Variants in GCNT2 observed in about 807,000 individuals in gnomAD.
The protein encoded by GCNT2 is glucosaminyl (N-acetyl) transferase 2 (I blood group), also known as N-acetyllactosaminide beta-1,6-N-acetylglucosaminyl-transferase.
In GCNT2, 34 loss-of-function variants were observed where a neutral mutation model predicts 34.2. The ratio of observed to expected loss-of-function variants is 1.00; its 90% CI spans 0.76 to 1.32. GCNT2 has a LOEUF of 1.32. GCNT2 is among the 40% of genes most tolerant of loss of function. The pLI is 0.00. For synonymous variants in GCNT2, 212 were observed against 188.0 expected, an observed-to-expected ratio of 1.13 and a Z score of -1.04; for missense variants, 584 against 489.4, an observed-to-expected ratio of 1.19 and a Z score of -1.82.
At chr6:10,530,115 A>T in intron 3 of GCNT2, 1 of 341,174 alleles carries the variant, frequency 2.9e-6, no homozygotes, top group Non-Finnish European at 5.5e-6. Context: ...TAATCACAGC[A>T]CTTTGGGAGG....
chr6:10,529,044 T>C lies in GCNT2; in HGVS notation c.133T>C (p.Leu45=). ...LRAALSNASL[L]AEACHQIFEG... is the part of the protein sequence containing the mutation. ...GGCAGCTCTGTCCAATGCTTCACTG[T>C]TAGCAGAAGCCTGTCATCAGATTTT... is the stretch of plus-strand genomic sequence containing the variant. The change falls in exon 3 of 5, where the codon TTA becomes CTA. Residue 45 remains leucine (L), a synonymous_variant. Coordinates refer to ENST00000495262, the MANE Select transcript of GCNT2 (RefSeq NM_145649.5). 1 of 1,614,182 alleles carries C rather than the reference T, an allele frequency of 6.2e-7. No homozygotes were observed. Among genetic ancestry groups the C allele is most frequent in the Non-Finnish European group, 8.5e-7 (1 of 1,179,990 alleles).
At chr6:10,526,995 A>T (rs1292313440) in intron 1 of GCNT2, among the ~76,000 whole-genome samples, 1 of 152,168 alleles carries the variant, frequency 6.6e-6, no homozygotes, top group East Asian at 1.9e-4. Flanking sequence ...AAGTTAGAAG[A>T]TACATTGGAA....
At chr6:10,548,466 C>A (rs1156796158) in intron 3 of GCNT2, among the ~76,000 whole-genome samples, 1 of 152,212 alleles carries the variant, frequency 6.6e-6, no homozygotes, top group Non-Finnish European at 1.5e-5. Flanking sequence ...CACCAGTGAC[C>A]TTCTGAGTGT....
intron 3 of GCNT2, among the ~76,000 whole-genome samples, chr6:10,550,481 C>G (rs1426657729): frequency 6.6e-6 from 1 of 151,880 alleles, no homozygotes; most frequent in Non-Finnish European, 1.5e-5. Flanking sequence ...TATCTGGGAC[C>G]AAAATGCAAA....
chr6:10,579,944 C>T lies in GCNT2; in HGVS notation c.926-41407C>T, dbSNP rs562535462. 5.3e-5 allele frequency among the ~76,000 whole-genome samples: 8 copies of T among 152,220 alleles called. No homozygotes were observed. The East Asian group carries it at 1.5e-3, about 29-fold the overall frequency. On this transcript the variant is annotated intron_variant, in intron 3 of 4. Coordinates refer to ENST00000495262, the MANE Select transcript of GCNT2 (RefSeq NM_145649.5). ...GCGTTTGTAGTTGAACTTACTTCAC[C>T]TACTGCTGTCGGCAGGGGACCTGAG...
chr6:10,569,273 A>ACACACACACACACACACACACACACACC (rs1561806920), intron 3 of GCNT2, among the ~76,000 whole-genome samples: 9 of 139,704 alleles, frequency 6.4e-5, no homozygotes, highest in African/African-American at 1.4e-4. Context: ...ACACACACAC[A>ACACACACACACACACACACACACACACC]CCCCCTAGGT....
At chr6:10,593,160 A>C (rs1405337004) in intron 3 of GCNT2, among the ~76,000 whole-genome samples, 1 of 152,220 alleles carries the variant, frequency 6.6e-6, no homozygotes, top group East Asian at 1.9e-4. Context: ...GTATAAGTAC[A>C]ATCATGATTG....
At chr6:10,543,274 G>C (rs1762118167) in intron 3 of GCNT2, among the ~76,000 whole-genome samples, 2 of 151,050 alleles carry the variant, frequency 1.3e-5, no homozygotes, top group South Asian at 4.2e-4. Context: ...CTCCATCTCA[G>C]CTCACTGCAA....
At chr6:10,527,925 C>G (rs1470363629) in intron 2 of GCNT2, among the ~76,000 whole-genome samples, 1 of 152,118 alleles carries the variant, frequency 6.6e-6, no homozygotes, top group Admixed American at 6.5e-5. Context: ...ATAAGAGCCT[C>G]TCTCCTAAAA....
intron 3 of GCNT2, chr6:10,581,704 T>C (rs1021153234): frequency 1.4e-4 from 135 of 975,182 alleles, no homozygotes; most frequent in Non-Finnish European, 1.6e-4. Flanking sequence ...CAGAGCTCCT[T>C]ATTGTAGGAT....
intron 1 of GCNT2, among the ~76,000 whole-genome samples, chr6:10,522,193 T>C (rs1422802642): frequency 2.0e-5 from 3 of 151,986 alleles, no homozygotes; most frequent in Non-Finnish European, 2.9e-5. Context: ...CAGCCTGAAA[T>C]GTATTTTATT....
chr6:10,585,965 T>G, intron 3 of GCNT2: 8 of 1,612,954 alleles, frequency 5.0e-6, no homozygotes, highest in Non-Finnish European at 5.9e-6. Flanking sequence ...AAAGAAGAGA[T>G]TGTTTCCCCA....
intron 1 of GCNT2, among the ~76,000 whole-genome samples, chr6:10,522,915 C>T (rs1760987276): frequency 1.3e-5 from 2 of 152,196 alleles, no homozygotes; most frequent in Admixed American, 1.3e-4. Flanking sequence ...CTTTCTGCAA[C>T]AGTAAAATTA....
At chr6:10,587,786 C>G (rs1000973714) in intron 3 of GCNT2, among the ~76,000 whole-genome samples, 4 of 152,156 alleles carry the variant, frequency 2.6e-5, no homozygotes, top group Non-Finnish European at 4.4e-5. Flanking sequence ...TGCGTTACGT[C>G]TTTCCTGTGT....
In GCNT2 at chr6:10,592,285, ATAT is replaced by A. The variant is rs1442026794; in HGVS notation, c.926-29063_926-29061del. Among the ~76,000 whole-genome samples the A allele has an allele frequency of 2.0e-5, 3 of 152,316 alleles. No homozygotes were observed. In the East Asian group the frequency reaches 5.8e-4, roughly 29 times the overall value. On this transcript the variant is annotated intron_variant, in intron 3 of 4. Coordinates refer to ENST00000495262, the MANE Select transcript of GCNT2 (RefSeq NM_145649.5). The stretch of plus-strand genomic sequence containing the variant: ...AATAATATTTTTGGATAGCCAGATG[ATAT>A]TAAGTATGCATAATAAATGAGAACA...
rs1491580241 is a variant in GCNT2 at position 10,582,498 on chromosome 6, A to ATC, written c.926-38853_926-38852insTC. 4.9e-5 allele frequency among the ~76,000 whole-genome samples: 6 copies of ATC among 122,710 alleles called. No individual in the cohort carries two copies. In the East Asian group the frequency reaches 1.2e-3, roughly 25 times the overall value. 80.5% of individuals were successfully genotyped at this position (122,710 alleles called of 152,430 possible). On this transcript the variant is annotated intron_variant, in intron 3 of 4. Coordinates refer to ENST00000495262, the MANE Select transcript of GCNT2 (RefSeq NM_145649.5). ...TACTATAATATATACTATAATATAT[A>ATC]ATATAATACATCATATATTATATTA...
At chr6:10,597,521 T>C (rs992987406) in intron 3 of GCNT2, among the ~76,000 whole-genome samples, 4 of 152,100 alleles carry the variant, frequency 2.6e-5, no homozygotes, top group African/African-American at 7.2e-5. Flanking sequence ...GACAGTCTTA[T>C]AGCAGTGACT....
intron 3 of GCNT2, among the ~76,000 whole-genome samples, chr6:10,561,226 G>A (rs576889643): frequency 1.3e-5 from 2 of 151,968 alleles, no homozygotes; most frequent in Non-Finnish European, 1.5e-5. Flanking sequence ...GCAATGGCAC[G>A]ATCTTGGCTC....
At chr6:10,563,785 T>C (rs1238938497) in intron 3 of GCNT2, among the ~76,000 whole-genome samples, 7 of 98,932 alleles carry the variant, frequency 7.1e-5, no homozygotes, top group Admixed American at 1.0e-4. Context: ...AAAATATATA[T>C]ATATATATAT....
Sources: gnomAD v4.1 joint callset for allele counts (sites outside exome capture counted in the v4.1 genomes callset) on GRCh38, gnomAD v4.1.1 for gene constraint, MANE v1.5 for transcripts, NCBI Gene and HGNC (gene_info 2026-07-23, HGNC 2026-07-21) for gene names.